Variants in RAPH1 observed in about 807,000 individuals in gnomAD.
The protein encoded by RAPH1 is Ras association (RalGDS/AF-6) and pleckstrin homology domains 1.
Under a neutral mutation model 88.1 loss-of-function variants are expected in RAPH1, and 18 were observed. The ratio of observed to expected loss-of-function variants is 0.20; its 90% CI spans 0.14 to 0.30. The LOEUF (loss-of-function observed/expected upper bound fraction) is 0.30. Ranked by LOEUF, RAPH1 falls within the 10% of genes least tolerant of loss-of-function variation. RAPH1 has a pLI of 1.00. For missense variants in RAPH1, 1,448 were observed against 1,543.2 expected, an observed-to-expected ratio of 0.94 and a Z score of 1.03; for synonymous variants, 587 against 559.0, an observed-to-expected ratio of 1.05 and a Z score of -0.71.
Position 203,437,958 on chromosome 2 carries a change from A to G in RAPH1, c.*1479T>C, listed in dbSNP as rs1189926910. ...AGATTGTTTTATTCCTAATAGTCCA[A>G]TTTATCATAAGTTGATGAGAGTACT... is the stretch of plus-strand genomic sequence containing the variant. On this transcript the variant is annotated 3_prime_UTR_variant, in exon 14 of 14. Coordinates refer to ENST00000319170, the MANE Select transcript of RAPH1 (RefSeq NM_213589.3). 3.0e-6 allele frequency: 1 copy of G among 329,510 alleles called. No homozygotes were observed. Among genetic ancestry groups the G allele is most frequent in the Non-Finnish European group, 6.0e-6 (1 of 167,810 alleles). 20.4% of individuals were successfully genotyped at this position (329,510 alleles called of 1,614,324 possible).
At chr2:203,475,251 C>CA (rs1352438057) in intron 4 of RAPH1, among the ~76,000 whole-genome samples, 6 of 151,880 alleles carry the variant, frequency 4.0e-5, no homozygotes, top group African/African-American at 1.5e-4. Flanking sequence ...ATTAAAAATA[C>CA]AAAAAATTAG....
In RAPH1 at chr2:203,438,235, C is replaced by T. The variant is rs767932312; in HGVS notation, c.*1202G>A. On this transcript the variant is annotated 3_prime_UTR_variant, in exon 14 of 14. Transcript: ENST00000319170. ...ACTGTCTTCCCTCTCCATGTAGTCC[C>T]ATACTTAATGAGCTTTTTGTATTAC... 1 of 513,448 alleles carries T rather than the reference C, an allele frequency of 1.9e-6. No individual in the cohort carries two copies. Among genetic ancestry groups the T allele is most frequent in the South Asian group, 1.4e-5 (1 of 70,166 alleles). 31.8% of individuals were successfully genotyped at this position (513,448 alleles called of 1,614,324 possible).
intron 1 of RAPH1, among the ~76,000 whole-genome samples, chr2:203,514,794 T>C (rs1581395960): frequency 6.6e-6 from 1 of 151,890 alleles, no homozygotes; most frequent in Non-Finnish European, 1.5e-5. Context: ...GACCTCATGA[T>C]CCACCCGCCT....
At chr2:203,528,135 G>T (rs999284591) in intron 1 of RAPH1, among the ~76,000 whole-genome samples, 1 of 152,100 alleles carries the variant, frequency 6.6e-6, no homozygotes, top group Non-Finnish European at 1.5e-5. Flanking sequence ...GTTGTAAGTG[G>T]CTGTGCTGTG....
At chr2:203,518,829 A>G (rs566432808) in intron 1 of RAPH1, among the ~76,000 whole-genome samples, 1 of 152,192 alleles carries the variant, frequency 6.6e-6, no homozygotes, top group African/African-American at 2.4e-5. Context: ...TGGGCAACAG[A>G]ACAAAATCCT....
In RAPH1 at chr2:203,439,986, TGGA is replaced by T. The variant is rs747879486; in HGVS notation, c.3201_3203del (p.Pro1068del). On this transcript the variant is annotated inframe_deletion, in exon 14 of 14. Transcript: ENST00000319170. ...GAGGGGGTGGAAAATCAGAATCGGA[TGGA>T]GGAGAAGGAAATTCCACCACGGAGT... is the stretch of plus-strand genomic sequence containing the variant. 34 of 1,613,098 alleles carry T rather than the reference TGGA, an allele frequency of 2.1e-5. No individual in the cohort carries two copies. Among genetic ancestry groups the T allele is most frequent in the Admixed American group, 1.0e-4 (6 of 59,934 alleles).
Position 203,434,056 on chromosome 2 carries a change from C to CTATCTATATATATATA in RAPH1, c.*5380_*5381insTATATATATATAGATA, listed in dbSNP as rs1488308709. 7 of 145,644 alleles carry CTATCTATATATATATA rather than the reference C, an allele frequency of 4.8e-5. No homozygotes were observed. The highest frequency in any genetic ancestry group is 1.8e-4 in the African/African-American group (7 of 39,220). 9.0% of individuals were successfully genotyped at this position (145,644 alleles called of 1,614,324 possible). ...CTCTCTCATATATCTATCTATCTAT[C>CTATCTATATATATATA]TATATATATATATATATATATATAG... On this transcript the variant is annotated 3_prime_UTR_variant, in exon 14 of 14. Coordinates refer to ENST00000319170, the MANE Select transcript of RAPH1 (RefSeq NM_213589.3).
chr2:203,498,378 C>T (rs1008631985), intron 1 of RAPH1, among the ~76,000 whole-genome samples: 28 of 152,212 alleles, frequency 1.8e-4, no homozygotes, highest in African/African-American at 6.0e-4. Context: ...GTATGAACAT[C>T]GTAACACACA....
chr2:203,506,869 T>TAG (rs1689096048), intron 1 of RAPH1, among the ~76,000 whole-genome samples: 2 of 106,706 alleles, frequency 1.9e-5, no homozygotes, highest in East Asian at 2.3e-4. Context: ...TATATATATA[T>TAG]ATATATATAT....
rs1258668587 is a variant in RAPH1 at position 203,440,053 on chromosome 2, A to G, written c.3137T>C (p.Val1046Ala). 1 of 1,613,562 alleles carries G rather than the reference A, an allele frequency of 6.2e-7. No individual in the cohort carries two copies. Among genetic ancestry groups the G allele is most frequent in the Non-Finnish European group, 8.5e-7 (1 of 1,180,018 alleles). Residue 1046 changes from valine (V) to alanine (A), a missense_variant, in exon 14 of 14, where the codon GTG becomes GCG. Coordinates refer to ENST00000319170, the MANE Select transcript of RAPH1 (RefSeq NM_213589.3). ...ACTCAGAACAGGGGCTTTTGCTGAC[A>G]CACACCCTTGTTGGAGAACTCCAGG... ...NLPGVLQQGC[V>A]SAKAPVLSGR...
At position 203,452,937 on chromosome 2, in the gene RAPH1, A is replaced by AAAAT. The variant is rs573952989; in HGVS notation, c.1413+1489_1413+1492dup. Among the ~76,000 whole-genome samples, 49 of 152,266 alleles carry AAAAT rather than the reference A, an allele frequency of 3.2e-4. No homozygotes were observed. In the South Asian group the frequency reaches 3.7e-3, roughly 12 times the overall value. ...AGGGAGACAGAGTGAGACTGTCTCA[A>AAAAT]AAATAAATAAATAAATAAATAGACA... On this transcript the variant is annotated intron_variant, in intron 10 of 13. Coordinates refer to ENST00000319170, the MANE Select transcript of RAPH1 (RefSeq NM_213589.3).
At chr2:203,454,597 T>A (rs1177779963) in intron 9 of RAPH1, 57 bp from the exon 10 acceptor site, 1 of 1,260,846 alleles carries the variant, frequency 7.9e-7, no homozygotes, top group Non-Finnish European at 1.1e-6. Context: ...CAAGCAAATA[T>A]ACCTGGTTAA....
intron 1 of RAPH1, among the ~76,000 whole-genome samples, chr2:203,510,712 A>G (rs1329893969): frequency 1.3e-5 from 2 of 152,072 alleles, no homozygotes; most frequent in Non-Finnish European, 2.9e-5. Flanking sequence ...TAAAAACACT[A>G]GAATTTTTTA....
chr2:203,448,641 A>G lies in RAPH1; in HGVS notation c.1512+97T>C, dbSNP rs2098512071. ...GAAAAACGTAGGCACTGGCAAATCC[A>G]TGAACATGAAATAGTCAGAATAGTT... On this transcript the variant is annotated intron_variant, in intron 11 of 13. Transcript: ENST00000319170. This position sits in a 1 kb window ranked among gnomAD's most constrained non-coding sequence, Gnocchi z 4.1. The G allele has an allele frequency of 2.6e-6, 2 of 756,380 alleles. No individual in the cohort carries two copies. The highest frequency in any genetic ancestry group is 2.1e-6 in the Non-Finnish European group (1 of 484,714). The allele number at this position is 756,380 out of a possible 1,614,324, so 46.9% of individuals were successfully genotyped here. A position where few individuals can be genotyped will look rare whatever the true frequency, so the allele number is the denominator to read the frequency against.
In RAPH1 at chr2:203,437,938, GTTT is replaced by G. The variant is rs1457685792; in HGVS notation, c.*1496_*1498del. On this transcript the variant is annotated 3_prime_UTR_variant, in exon 14 of 14. Coordinates refer to ENST00000319170, the MANE Select transcript of RAPH1 (RefSeq NM_213589.3). ...CTTGTTTAGGAGCTGCTCTGAGATT[GTTT>G]TATTCCTAATAGTCCAATTTATCAT... 2 of 315,612 alleles carry G rather than the reference GTTT, an allele frequency of 6.3e-6. No individual in the cohort carries two copies. The highest frequency in any genetic ancestry group is 1.2e-5 in the Non-Finnish European group (2 of 161,122). 19.6% of individuals were successfully genotyped at this position (315,612 alleles called of 1,614,324 possible).
At chr2:203,441,493 T>A (rs1218007785) in intron 13 of RAPH1, 80 bp from the exon 14 acceptor site, 1 of 1,441,296 alleles carries the variant, frequency 6.9e-7, no homozygotes, top group African/African-American at 1.4e-5. Flanking sequence ...TTTGATTGTG[T>A]AAAACTAAAA....
chr2:203,441,787 G>A, intron 13 of RAPH1: 1 of 1,281,796 alleles, frequency 7.8e-7, no homozygotes, highest in Admixed American at 3.8e-5. Flanking sequence ...TCTGAGCACT[G>A]GACTTCCAAG....
intron 4 of RAPH1, chr2:203,477,058 C>A (rs772583879): frequency 5.1e-6 from 8 of 1,579,472 alleles, no homozygotes; most frequent in Non-Finnish European, 7.0e-6. Context: ...CATGCCATGG[C>A]ATGTTTATAG....
intron 1 of RAPH1, among the ~76,000 whole-genome samples, chr2:203,509,061 A>C (rs1262714497): frequency 6.8e-6 from 1 of 146,166 alleles, no homozygotes; most frequent in Non-Finnish European, 1.5e-5. Flanking sequence ...GTCATTTAAA[A>C]AATAATTTTT....
Sources: gnomAD v4.1 joint callset for allele counts (sites outside exome capture counted in the v4.1 genomes callset) on GRCh38, gnomAD v4.1.1 for gene constraint, Gnocchi (gnomAD v3.1) non-coding constraint, MANE v1.5 for transcripts, NCBI Gene and HGNC (gene_info 2026-07-23, HGNC 2026-07-21) for gene names.